The following TMEM236 variants were observed in gnomAD, a reference collection of about 807,000 sequenced individuals.
TMEM236 encodes family with sequence similarity 23, member A.
In TMEM236, 11 loss-of-function variants were observed where a neutral mutation model predicts 14.7. The ratio of observed to expected loss-of-function variants is 0.75; its 90% confidence interval spans 0.47 to 1.24. TMEM236 has a LOEUF of 1.24. TMEM236 is among the 50% of genes most tolerant of loss of function. TMEM236 has a pLI of 0.00. For synonymous variants in TMEM236, 182 were observed against 168.6 expected, an observed-to-expected ratio of 1.08 and a Z score of -0.62; for missense variants, 464 against 427.3, an observed-to-expected ratio of 1.09 and a Z score of -0.76.
chr10:17,798,523 A>G lies in TMEM236; in HGVS notation c.*2019A>G. 1.9e-6 allele frequency: 1 copy of G among 533,188 alleles called. No homozygotes were observed. Among genetic ancestry groups the G allele is most frequent in the Non-Finnish European group, 3.9e-6 (1 of 259,402 alleles). 33.0% of individuals were successfully genotyped at this position (533,188 alleles called of 1,614,324 possible). A position where few individuals can be genotyped will look rare whatever the true frequency, so the allele number is the denominator to read the frequency against. ...CACTGCACTCCAGACTGGGCAACAG[A>G]GTGACACCCATCTAAAAAAAATAAA... On this transcript the variant is annotated 3_prime_UTR_variant, in exon 4 of 4. Coordinates refer to ENST00000377495, the MANE Select transcript of TMEM236 (RefSeq NM_001098844.3).
At chr10:17,772,661 C>G (rs1011121189) in intron 2 of TMEM236, among the ~76,000 whole-genome samples, 91 of 152,172 alleles carry the variant, frequency 6.0e-4, no homozygotes, top group African/African-American at 2.1e-3. Flanking sequence ...CATACAAGTA[C>G]AGTAACAATG....
chr10:17,798,077 A>T lies in TMEM236; in HGVS notation c.*1573A>T, dbSNP rs1838045431. 1 of 161,306 alleles carries T rather than the reference A, an allele frequency of 6.2e-6. No individual in the cohort carries two copies. Among genetic ancestry groups the T allele is most frequent in the African/African-American group, 2.4e-5 (1 of 41,470 alleles). 10.0% of individuals were successfully genotyped at this position (161,306 alleles called of 1,614,324 possible). A position where few individuals can be genotyped will look rare whatever the true frequency, so the allele number is the denominator to read the frequency against. On this transcript the variant is annotated 3_prime_UTR_variant, in exon 4 of 4. Transcript: ENST00000377495. The stretch of plus-strand genomic sequence containing the variant: ...TGCAACTTGCTTTCACCCTGTTGGG[A>T]CACTCTGAACAGTCAGCACTGTTCA...
rs1235191287 is a variant in TMEM236 at position 17,798,871 on chromosome 10, A to T, written c.*2367A>T. 1.4e-5 allele frequency: 5 copies of T among 350,030 alleles called. No homozygotes were observed. The East Asian group carries it at 3.8e-4, about 27-fold the overall frequency. The allele number at this position is 350,030 out of a possible 1,614,324, so 21.7% of individuals were successfully genotyped here. On this transcript the variant is annotated 3_prime_UTR_variant, in exon 4 of 4. Coordinates refer to ENST00000377495, the MANE Select transcript of TMEM236 (RefSeq NM_001098844.3). ...AATGCTAAGCATTGGAACGGGTACCAAGTCTCCAAGAAACAAGTATCTCAA... is the reference window on the plus strand; with the variant it reads ...AATGCTAAGCATTGGAACGGGTACCTAGTCTCCAAGAAACAAGTATCTCAA...
chr10:17,790,087 A>C (rs1210406487), intron 3 of TMEM236, among the ~76,000 whole-genome samples: 2 of 152,036 alleles, frequency 1.3e-5, no homozygotes, highest in Non-Finnish European at 2.9e-5. Flanking sequence ...AAAATGAGCC[A>C]GGCGTCATAG....
intron 1 of TMEM236, among the ~76,000 whole-genome samples, chr10:17,754,591 T>G (rs1305166679): frequency 2.0e-5 from 3 of 152,192 alleles, no homozygotes; most frequent in Admixed American, 2.0e-4. Flanking sequence ...CCTCCCAAAG[T>G]GCTGAGATTA....
At chr10:17,754,956 G>A (rs1014935443) in intron 1 of TMEM236, among the ~76,000 whole-genome samples, 26 of 70,054 alleles carry the variant, frequency 3.7e-4, no homozygotes, top group African/African-American at 1.6e-3. Context: ...TTATTTATTT[G>A]AGACAGAGTT....
chr10:17,765,678 G>A (rs2131745071), intron 1 of TMEM236, among the ~76,000 whole-genome samples: 1 of 152,288 alleles, frequency 6.6e-6, no homozygotes, highest in South Asian at 2.1e-4. Context: ...AATCCCGTTA[G>A]CTTTTAAGGT....
Position 17,796,252 on chromosome 10 carries a change from A to T in TMEM236, c.804A>T (p.Pro268=). 1 of 1,613,946 alleles carries T rather than the reference A, an allele frequency of 6.2e-7. No homozygotes were observed. The highest frequency in any genetic ancestry group is 8.5e-7 in the Non-Finnish European group (1 of 1,179,860). The stretch of plus-strand genomic sequence containing the variant: ...TGTACAAGTCAAGCTGGCTATACCC[A>T]GTCTACATATTCAGTTTTATTTCTC... ...PNVYKSSWLY[P]VYIFSFISLL... The change falls in exon 4 of 4, where the codon CCA becomes CCT. Residue 268 remains proline, a synonymous_variant. Transcript: ENST00000377495.
chr10:17,760,174 C>A (rs1346544804), intron 1 of TMEM236, among the ~76,000 whole-genome samples: 1 of 152,004 alleles, frequency 6.6e-6, no homozygotes, highest in African/African-American at 2.4e-5. Flanking sequence ...ATTGGTAAGA[C>A]CCCATTAACT....
intron 3 of TMEM236, among the ~76,000 whole-genome samples, chr10:17,788,834 G>A (rs1421267745): frequency 6.6e-6 from 1 of 152,184 alleles, no homozygotes; most frequent in African/African-American, 2.4e-5. Context: ...TTTCACAGCT[G>A]GGAATGCATG....
chr10:17,765,382 C>A (rs896779365), intron 1 of TMEM236, among the ~76,000 whole-genome samples: 2 of 152,146 alleles, frequency 1.3e-5, no homozygotes, highest in African/African-American at 2.4e-5. Context: ...AAGTCCTAAT[C>A]ATCCCAGCAT....
In TMEM236 at chr10:17,795,962, A is replaced by T. The variant is rs1205360105; in HGVS notation, c.514A>T (p.Ile172Leu). 1 of 1,613,832 alleles carries T rather than the reference A, an allele frequency of 6.2e-7. No homozygotes were observed. The highest frequency in any genetic ancestry group is 8.5e-7 in the Non-Finnish European group (1 of 1,179,874). ...GHIHSTSLQH[I>L]KTVTEQVRQS... ...CATCCATTCAACCTCTTTGCAACAC[A>T]TAAAAACTGTGACGGAGCAAGTGAG... is the stretch of plus-strand genomic sequence containing the variant. The change falls in exon 4 of 4, where the codon ATA becomes TTA. Residue 172 changes from isoleucine to leucine, a missense_variant. By Grantham distance (5) the Ile-to-Leu change is conservative. Transcript: ENST00000377495.
chr10:17,782,351 G>A (rs1337953722), intron 3 of TMEM236, among the ~76,000 whole-genome samples: 3 of 152,158 alleles, frequency 2.0e-5, no homozygotes, highest in Admixed American at 6.5e-5. Flanking sequence ...TTACTGGATA[G>A]CATCTTGATG....
chr10:17,782,991 A>G (rs1390907011), intron 3 of TMEM236, among the ~76,000 whole-genome samples: 1 of 152,172 alleles, frequency 6.6e-6, no homozygotes, highest in Non-Finnish European at 1.5e-5. Context: ...AGGGCAGACA[A>G]GTCATGGTTA....
intron 3 of TMEM236, among the ~76,000 whole-genome samples, chr10:17,795,561 G>GT (rs1337080207): frequency 6.6e-6 from 1 of 152,180 alleles, no homozygotes; most frequent in Non-Finnish European, 1.5e-5. Flanking sequence ...CCACCTCTAT[G>GT]TTTTTTCAAT....
intron 1 of TMEM236, among the ~76,000 whole-genome samples, chr10:17,768,086 GTTTTTTT>G (rs879036347): frequency 1.1e-5 from 1 of 92,022 alleles, no homozygotes; most frequent in African/African-American, 4.4e-5. Flanking sequence ...AATTTTTGTG[GTTTTTTT>G]TTTTTTTTTT....
intron 1 of TMEM236, among the ~76,000 whole-genome samples, chr10:17,757,317 G>T (rs1282502008): frequency 2.2e-4 from 34 of 152,190 alleles, no homozygotes; most frequent in African/African-American, 8.2e-4. Context: ...AGCAAGTGGA[G>T]CCAGGCATGG....
chr10:17,793,250 G>A (rs1167844122), intron 3 of TMEM236, among the ~76,000 whole-genome samples: 1 of 152,102 alleles, frequency 6.6e-6, no homozygotes, highest in Non-Finnish European at 1.5e-5. Flanking sequence ...CTCCCTGACT[G>A]TTTAAAAAAA....
chr10:17,763,902 C>G (rs1373495418), intron 1 of TMEM236, among the ~76,000 whole-genome samples: 6 of 151,362 alleles, frequency 4.0e-5, no homozygotes, highest in Non-Finnish European at 2.9e-5. Flanking sequence ...CAGCCTTCAA[C>G]CTCAGTTTCA....
Sources: gnomAD v4.1 joint callset for allele counts (sites outside exome capture counted in the v4.1 genomes callset) on GRCh38, gnomAD v4.1.1 for gene constraint, MANE v1.5 for transcripts, NCBI Gene and HGNC (gene_info 2026-07-23, HGNC 2026-07-21) for gene names.